The following TSPAN4 variants were observed in gnomAD, a reference collection of about 807,000 sequenced individuals.
The protein encoded by TSPAN4 is tetraspanin-4.
In TSPAN4, 38 loss-of-function variants were observed where a neutral mutation model predicts 31.5. The ratio of observed to expected loss-of-function variants is 1.21; its 90% CI spans 0.93 to 1.58. The LOEUF is 1.58. Ranked by LOEUF, TSPAN4 falls within the 40% of genes most tolerant of loss-of-function variation. The pLI is 0.00. For synonymous variants in TSPAN4, 186 were observed against 144.6 expected (o/e 1.29, Z -2.06); for missense variants, 330 against 317.3 (o/e 1.04, Z -0.30).
chr11:865,831 T>C lies in TSPAN4; in HGVS notation c.564+6T>C. On this transcript the variant is annotated splice_donor_region_variant and intron_variant, in intron 7 of 8. Coordinates refer to ENST00000397397, the MANE Select transcript of TSPAN4 (RefSeq NM_003271.5). Reference sequence around the variant, plus strand: ...CCGGCACCTGGTGGAAGGCGGTGAGTGAGACCCCCACCCTGGGGGCTGGTA... The same window carrying C: ...CCGGCACCTGGTGGAAGGCGGTGAGCGAGACCCCCACCCTGGGGGCTGGTA... 4 of 1,612,022 alleles carry C rather than the reference T, an allele frequency of 2.5e-6. No homozygotes were observed. The highest frequency in any genetic ancestry group is 3.4e-6 in the Non-Finnish European group (4 of 1,179,560).
intron 4 of TSPAN4, chr11:863,053 G>A (rs1343348429): frequency 5.0e-5 from 13 of 261,298 alleles, no homozygotes; most frequent in South Asian, 1.2e-4. Flanking sequence ...ACGTACACAC[G>A]CATGCGCAGC....
chr11:859,978 C>T (rs560045090), intron 3 of TSPAN4, among the ~76,000 whole-genome samples: 66 of 152,326 alleles, frequency 4.3e-4, no homozygotes, highest in South Asian at 1.9e-3. Flanking sequence ...CCAGTCTGTC[C>T]AGCTCCCCTG....
chr11:855,869 C>T (rs1278374702), intron 3 of TSPAN4, among the ~76,000 whole-genome samples: 1 of 152,200 alleles, frequency 6.6e-6, no homozygotes, highest in Non-Finnish European at 1.5e-5. Flanking sequence ...TGCAGGGACC[C>T]AGCCCCCCAT....
chr11:861,695 G>A (rs551970079), intron 3 of TSPAN4, among the ~76,000 whole-genome samples: 1 of 152,016 alleles, frequency 6.6e-6, no homozygotes, highest in South Asian at 2.1e-4. Context: ...CTGGGTGACA[G>A]TGCGAGACTC....
Position 865,719 on chromosome 11 carries a change from A to G in TSPAN4, c.458A>G (p.Tyr153Cys). The change falls in exon 7 of 9, where the codon TAC (tyrosine) becomes TGC (cysteine). Residue 153 changes from tyrosine to cysteine, a missense_variant. Coordinates refer to ENST00000397397, the MANE Select transcript of TSPAN4 (RefSeq NM_003271.5). ...TTCCGCTGCTGTGGCGTCTCCAACT[A>G]CACTGACTGGTTCGAGGTGTACAAC... The part of the protein sequence containing the change: ...TDFRCCGVSN[Y>C]TDWFEVYNAT... 6.2e-7 allele frequency: 1 copy of G among 1,613,378 alleles called. No homozygotes were observed. The highest frequency in any genetic ancestry group is 8.5e-7 in the Non-Finnish European group (1 of 1,179,942).
At chr11:855,513 C>T (rs965701636) in intron 3 of TSPAN4, among the ~76,000 whole-genome samples, 1 of 152,178 alleles carries the variant, frequency 6.6e-6, no homozygotes, top group African/African-American at 2.4e-5. Flanking sequence ...TGCCCACTGA[C>T]GAGGGCTGTT....
intron 3 of TSPAN4, among the ~76,000 whole-genome samples, chr11:852,795 C>T (rs992184329): frequency 6.6e-5 from 10 of 151,304 alleles, no homozygotes; most frequent in African/African-American, 2.5e-4. Context: ...ACCTGGCCTC[C>T]TCCTCCTCCT....
At chr11:858,705 C>T in intron 3 of TSPAN4, 1 of 160,970 alleles carries the variant, frequency 6.2e-6, no homozygotes, top group Non-Finnish European at 1.4e-5. Context: ...CGCTCACATG[C>T]ACCCCGGTTC....
intron 4 of TSPAN4, 43 bp downstream of exon 4, chr11:862,784 A>G (rs1402848275): frequency 3.2e-6 from 5 of 1,549,640 alleles, no homozygotes; most frequent in Non-Finnish European, 4.4e-6. Flanking sequence ...GGGACCACGC[A>G]GGGTGGGGCT....
At chr11:862,767 T>C in intron 4 of TSPAN4, 26 bp downstream of exon 4, 1 of 1,591,930 alleles carries the variant, frequency 6.3e-7, no homozygotes, top group African/African-American at 1.3e-5. Flanking sequence ...CAAGCGATGC[T>C]CCGGGTGGGA....
chr11:849,337 C>A (rs1426939412), intron 2 of TSPAN4, among the ~76,000 whole-genome samples: 1 of 152,074 alleles, frequency 6.6e-6, no homozygotes, highest in African/African-American at 2.4e-5. Flanking sequence ...AGCCCCCCAC[C>A]CGCCGCCGGC....
chr11:844,971 C>G (rs545331721), intron 1 of TSPAN4, among the ~76,000 whole-genome samples: 2 of 152,142 alleles, frequency 1.3e-5, no homozygotes, highest in Non-Finnish European at 2.9e-5. Flanking sequence ...AGGGGGAGCA[C>G]GGGCTGAGCC....
chr11:853,820 G>T (rs1847889690), intron 3 of TSPAN4, among the ~76,000 whole-genome samples: 2 of 152,232 alleles, frequency 1.3e-5, no homozygotes, highest in Admixed American at 1.3e-4. Context: ...CCTCCCTGCA[G>T]AGGTTGGGGA....
chr11:851,720 G>T lies in TSPAN4; in HGVS notation c.63+1353G>T, dbSNP rs1369766167. Among the ~76,000 whole-genome samples, 4 of 152,030 alleles carry T rather than the reference G, an allele frequency of 2.6e-5. No homozygotes were observed. In the East Asian group the frequency reaches 7.7e-4, roughly 29 times the overall value. On this transcript the variant is annotated intron_variant, in intron 3 of 8. Transcript: ENST00000397397. ...GGTGTGGGTGTGGTCTGGAGCTGGTGGGTGTGGGGGGTGGGCTGCAGGTGG... is the reference window on the plus strand; with the variant it reads ...GGTGTGGGTGTGGTCTGGAGCTGGTTGGTGTGGGGGGTGGGCTGCAGGTGG...
chr11:851,537 A>G (rs1590230575), intron 3 of TSPAN4, among the ~76,000 whole-genome samples: 1 of 151,516 alleles, frequency 6.6e-6, no homozygotes, highest in Admixed American at 6.6e-5. Flanking sequence ...CCTGGGAGGG[A>G]CAGCCAGCCT....
intron 1 of TSPAN4, among the ~76,000 whole-genome samples, chr11:845,327 G>A (rs550875471): frequency 1.3e-5 from 2 of 152,320 alleles, no homozygotes; most frequent in East Asian, 1.9e-4. Context: ...CACGCCGTCC[G>A]TGTCCTCTCT....
intron 3 of TSPAN4, among the ~76,000 whole-genome samples, chr11:850,679 G>A (rs975085645): frequency 3.9e-5 from 6 of 152,324 alleles, no homozygotes; most frequent in Admixed American, 1.3e-4. Context: ...GCCGGACAGG[G>A]CCACCCGGGC....
At chr11:864,576 C>T in intron 5 of TSPAN4, 65 bp downstream of exon 5, 1 of 1,587,460 alleles carries the variant, frequency 6.3e-7, no homozygotes, top group Non-Finnish European at 8.6e-7. Flanking sequence ...TCCCAGGGAG[C>T]ACTGTGGGCC....
intron 3 of TSPAN4, among the ~76,000 whole-genome samples, chr11:850,999 T>A (rs1166589497): frequency 6.6e-6 from 1 of 152,228 alleles, no homozygotes; most frequent in Non-Finnish European, 1.5e-5. Flanking sequence ...GAGGCTTCCC[T>A]AACTTTTGCG....
Sources: allele counts gnomAD v4.1 joint callset (sites outside exome capture counted in the v4.1 genomes callset), GRCh38; gene constraint gnomAD v4.1.1; transcripts MANE v1.5; gene names NCBI Gene and HGNC (gene_info 2026-07-23, HGNC 2026-07-21).